Variants in DSG3 observed in about 807,000 individuals in gnomAD.
The protein encoded by DSG3 is desmoglein 3, also known as desmoglein-3.
Under a neutral mutation model 85.9 loss-of-function variants are expected in DSG3, and 63 were observed. That is an observed-to-expected ratio of 0.73 (90% CI 0.60 to 0.90). The LOEUF is 0.90. DSG3 is among the 40% of genes least tolerant of loss of function. DSG3 has a pLI of 0.00. For missense variants in DSG3, 1,220 were observed against 1,219.9 expected (o/e 1.00, Z 0.00); for synonymous variants, 447 against 441.9 (o/e 1.01, Z -0.14).
At chr18:31,457,521 CTCTTTCTT>C (rs142328218) in intron 3 of DSG3, among the ~76,000 whole-genome samples, 228 of 142,208 alleles carry the variant, frequency 1.6e-3, no homozygotes, top group Non-Finnish European at 2.2e-3. Context: ...TTATACTATT[CTCTTTCTT>C]TCTTTCTTTC....
rs112995292 is a variant in DSG3 at position 31,457,287 on chromosome 18, GAA to G, written c.216+165_216+166del. ...TAGTACAATAATAATAATAATGAGA[GAA>G]AGAGAGAAAGGAAGGTAGCTTCTAG... On this transcript the variant is annotated intron_variant, in intron 3 of 15. Transcript: ENST00000257189. Among the ~76,000 whole-genome samples, 826 of 151,516 alleles carry G rather than the reference GAA, an allele frequency of 5.5e-3. 4 individuals carry two copies. Among genetic ancestry groups the G allele is most frequent in the African/African-American group, 0.019 (778 of 41,290 alleles).
At chr18:31,457,232 A>C in intron 3 of DSG3, 108 bp downstream of exon 3, 1 of 1,079,534 alleles carries the variant, frequency 9.3e-7, no homozygotes, top group Non-Finnish European at 1.3e-6. Flanking sequence ...GGGAGTCCAC[A>C]GAACAAGTGA....
At chr18:31,456,052 CATTTCACA>C (rs1284901565) in intron 1 of DSG3, among the ~76,000 whole-genome samples, 1 of 152,172 alleles carries the variant, frequency 6.6e-6, no homozygotes. Flanking sequence ...CTTTCTGAAG[CATTTCACA>C]ATGGTGCTTA....
intron 3 of DSG3, among the ~76,000 whole-genome samples, chr18:31,458,094 C>T (rs1218818072): frequency 2.0e-5 from 3 of 152,006 alleles, no homozygotes; most frequent in South Asian, 2.1e-4. Flanking sequence ...AAATAAATAT[C>T]TTTTGTTTTT....
chr18:31,474,984 G>C (rs1453882616), intron 15 of DSG3, among the ~76,000 whole-genome samples: 1 of 152,142 alleles, frequency 6.6e-6, no homozygotes, highest in Non-Finnish European at 1.5e-5. Context: ...GAGAGGGGTA[G>C]AGTATTCACA....
chr18:31,473,913 T>C lies in DSG3; in HGVS notation c.2102-208T>C, dbSNP rs3810005. 0.11 allele frequency among the ~76,000 whole-genome samples: 16,208 copies of C among 152,204 alleles called. 903 individuals carry two copies. Among genetic ancestry groups the C allele is most frequent in the Non-Finnish European group, 0.11 (7,754 of 68,016 alleles). On this transcript the variant is annotated intron_variant, in intron 14 of 15. Transcript: ENST00000257189. ...TTGTACACTTTTAAAATTAGTATATTTTTAGAGCTTTTTCACCCGTTTATA... is the reference window on the plus strand; with the variant it reads ...TTGTACACTTTTAAAATTAGTATATCTTTAGAGCTTTTTCACCCGTTTATA...
In DSG3 at chr18:31,472,846, AT is replaced by A; in HGVS notation, c.2101+59del. Reference sequence around the variant, plus strand: ...TGAGTTAAGTGGTAAATATTAAAAAATAAGAAGTGTTCAAACTATCTTCTTA... The same window carrying A: ...TGAGTTAAGTGGTAAATATTAAAAAAAAGAAGTGTTCAAACTATCTTCTTA... On this transcript the variant is annotated intron_variant, in intron 14 of 15. Transcript: ENST00000257189. The A allele has an allele frequency of 2.0e-6, 3 of 1,482,728 alleles. No homozygotes were observed. The South Asian group carries it at 3.4e-5, about 17-fold the overall frequency. 91.8% of individuals were successfully genotyped at this position (1,482,728 alleles called of 1,614,324 possible).
At chr18:31,458,375 G>A in intron 3 of DSG3, 70 bp from the exon 4 acceptor site, 2 of 1,497,472 alleles carry the variant, frequency 1.3e-6, no homozygotes, top group Non-Finnish European at 1.8e-6. Context: ...TTTAGACTAT[G>A]GAAGTGGGGG....
chr18:31,474,327 C>T lies in DSG3; in HGVS notation c.2308C>T (p.His770Tyr). ...GCAGTCTGGAACCATGAGAACAAGG[C>T]ATTCCACTGGAGGAACCAATAAGGA... Reference protein sequence around the residue: ...SGQSGTMRTRHSTGGTNKDYA... With the variant: ...SGQSGTMRTRYSTGGTNKDYA... Residue 770 changes from histidine to tyrosine, a missense_variant, in exon 15 of 16, where the codon CAT (histidine) becomes TAT (tyrosine). Transcript: ENST00000257189. 1 of 1,613,472 alleles carries T rather than the reference C, an allele frequency of 6.2e-7. No homozygotes were observed. Among genetic ancestry groups the T allele is most frequent in the Non-Finnish European group, 8.5e-7 (1 of 1,180,030 alleles).
intron 6 of DSG3, among the ~76,000 whole-genome samples, chr18:31,460,524 T>C (rs937061682): frequency 3.2e-4 from 49 of 152,172 alleles, no homozygotes; most frequent in African/African-American, 1.2e-3. Flanking sequence ...GACCCCATAT[T>C]ATTTTTGTAC....
chr18:31,466,944 C>T (rs1245639243), intron 11 of DSG3, among the ~76,000 whole-genome samples, 190 bp downstream of exon 11: 1 of 152,200 alleles, frequency 6.6e-6, no homozygotes, highest in African/African-American at 2.4e-5. Flanking sequence ...ACTGTTAGCA[C>T]CATTTCATAT....
chr18:31,450,833 T>C (rs9956859), intron 1 of DSG3, among the ~76,000 whole-genome samples: 43,221 of 152,032 alleles, frequency 0.28, 7,118 homozygotes, highest in African/African-American at 0.46. Context: ...TGTAAACCCT[T>C]TAATTTTTAT....
intron 15 of DSG3, 65 bp from the exon 16 acceptor site, chr18:31,475,581 A>G: frequency 6.5e-7 from 1 of 1,537,322 alleles, no homozygotes; most frequent in Middle Eastern, 1.7e-4. Flanking sequence ...TTCTACAAAC[A>G]GTATTATATT....
In DSG3 at chr18:31,478,313, TA is replaced by T. The variant is rs2072901733; in HGVS notation, c.*2055del. ...TGCATGAGGGTTAAATTAACAACCATAACCTTCATTTGAAGTTCAAAGGTGT... is the reference window on the plus strand; with the variant it reads ...TGCATGAGGGTTAAATTAACAACCATACCTTCATTTGAAGTTCAAAGGTGT... On this transcript the variant is annotated 3_prime_UTR_variant, in exon 16 of 16. Coordinates refer to ENST00000257189, the MANE Select transcript of DSG3 (RefSeq NM_001944.3). 6.6e-6 allele frequency: 1 copy of T among 152,234 alleles called. No individual in the cohort carries two copies. The highest frequency in any genetic ancestry group is 2.4e-5 in the African/African-American group (1 of 41,464). 9.4% of individuals were successfully genotyped at this position (152,234 alleles called of 1,614,324 possible). A position where few individuals can be genotyped will look rare whatever the true frequency, so the allele number is the denominator to read the frequency against.
rs776376388 is a variant in DSG3 at position 31,457,053 on chromosome 18, C to T, written c.145C>T (p.Arg49Cys). ...GCAACAAGCTAAAAGAAGGCAAAAA[C>T]GTGAATGGGTGAAATTTGCCAAACC... The part of the protein sequence containing the change: ...TMQQAKRRQK[R>C]EWVKFAKPCR... Residue 49 changes from arginine (R) to cysteine (C), a missense_variant, in exon 3 of 16, where the codon CGT (arginine) becomes TGT (cysteine). Coordinates refer to ENST00000257189, the MANE Select transcript of DSG3 (RefSeq NM_001944.3). 2 of 1,612,850 alleles carry T rather than the reference C, an allele frequency of 1.2e-6. No individual in the cohort carries two copies. The highest frequency in any genetic ancestry group is 8.5e-7 in the Non-Finnish European group (1 of 1,179,432).
At chr18:31,460,748 A>G in intron 6 of DSG3, 85 bp from the exon 7 acceptor site, 2 of 1,220,754 alleles carry the variant, frequency 1.6e-6, no homozygotes, top group Admixed American at 2.9e-5. Flanking sequence ...GAATATTTCT[A>G]CCTCCTTACC....
chr18:31,458,931 A>C, intron 4 of DSG3, 102 bp from the exon 5 acceptor site: 1 of 1,398,294 alleles, frequency 7.2e-7, no homozygotes, highest in South Asian at 1.3e-5. Flanking sequence ...TCTTCTTTGC[A>C]CAAAAGTGAT....
At chr18:31,464,766 G>A (rs2072807090) in intron 9 of DSG3, among the ~76,000 whole-genome samples, 1 of 152,134 alleles carries the variant, frequency 6.6e-6, no homozygotes, top group South Asian at 2.1e-4. Flanking sequence ...ACGGCACCAT[G>A]CAAAATAATT....
chr18:31,452,032 C>A (rs2072714523), intron 1 of DSG3, among the ~76,000 whole-genome samples: 1 of 152,184 alleles, frequency 6.6e-6, no homozygotes, highest in African/African-American at 2.4e-5. Context: ...GTGCAGCTGG[C>A]TAGGTTGTAC....
Sources: allele counts gnomAD v4.1 joint callset (sites outside exome capture counted in the v4.1 genomes callset), GRCh38; gene constraint gnomAD v4.1.1; transcripts MANE v1.5; gene names NCBI Gene and HGNC (gene_info 2026-07-23, HGNC 2026-07-21).